SUGCT: variants seen among roughly 807,000 people sequenced by gnomAD.
SUGCT encodes the protein succinyl-CoA:glutarate-CoA transferase.
SUGCT carries 41 observed loss-of-function variants against 55.0 expected under a neutral mutation model. That is an observed-to-expected ratio of 0.74 (90% CI 0.58 to 0.97). SUGCT has a LOEUF of 0.97. SUGCT is among the 50% of genes least tolerant of loss of function. The pLI is 0.00. For missense variants in SUGCT, 568 were observed against 547.8 expected (o/e 1.04, Z -0.37); for synonymous variants, 187 against 200.4 (o/e 0.93, Z 0.56).
At chr7:40,447,360 G>T (rs1163237729) in intron 9 of SUGCT, among the ~76,000 whole-genome samples, 2 of 152,308 alleles carry the variant, frequency 1.3e-5, no homozygotes, top group Middle Eastern at 3.4e-3. Flanking sequence ...TGCAGAAAGG[G>T]TATGTGTAAA....
intron 12 of SUGCT, among the ~76,000 whole-genome samples, chr7:40,547,731 T>G (rs1407786263): frequency 6.6e-6 from 1 of 152,206 alleles, no homozygotes; most frequent in Non-Finnish European, 1.5e-5. Flanking sequence ...AAATTTTGTG[T>G]ATGTGTAGTT....
intron 13 of SUGCT, among the ~76,000 whole-genome samples, chr7:40,756,580 A>C (rs1485436087): frequency 1.3e-5 from 2 of 152,186 alleles, no homozygotes; most frequent in Non-Finnish European, 2.9e-5. Flanking sequence ...ATGTCCTCAA[A>C]GTGCAGTTAA....
intron 13 of SUGCT, among the ~76,000 whole-genome samples, chr7:40,758,806 C>T (rs1174684631): frequency 6.6e-6 from 1 of 151,976 alleles, no homozygotes; most frequent in Admixed American, 6.6e-5. Context: ...CCTAATTTGC[C>T]CTTTATCTGA....
At chr7:40,704,908 A>G (rs976128189) in intron 12 of SUGCT, among the ~76,000 whole-genome samples, 1 of 152,174 alleles carries the variant, frequency 6.6e-6, no homozygotes, top group Non-Finnish European at 1.5e-5. Flanking sequence ...TAGTGGAGTC[A>G]TGGTTTTTGG....
At chr7:40,586,824 A>G (rs771917190) in intron 12 of SUGCT, among the ~76,000 whole-genome samples, 1 of 152,236 alleles carries the variant, frequency 6.6e-6, no homozygotes, top group Non-Finnish European at 1.5e-5. Flanking sequence ...TTTAACCACA[A>G]TACTGTGCTG....
At chr7:41,024,202 A>C in the SUGCT span, among the ~76,000 whole-genome samples, 3 of 152,200 alleles carry the variant, frequency 2.0e-5, no homozygotes, top group Admixed American at 6.5e-5. Flanking sequence ...TACGTTCCAA[A>C]GGATTAAAGG....
At chr7:40,787,366 A>G (rs1388793401) in intron 13 of SUGCT, among the ~76,000 whole-genome samples, 1 of 152,160 alleles carries the variant, frequency 6.6e-6, no homozygotes, top group Non-Finnish European at 1.5e-5. Context: ...GGTGCATGGC[A>G]TAATGACCTA....
the SUGCT span, among the ~76,000 whole-genome samples, chr7:41,008,497 C>G: frequency 5.9e-5 from 9 of 152,194 alleles, no homozygotes; most frequent in African/African-American, 2.2e-4. Flanking sequence ...CTCTCTTTCC[C>G]CGGGAATTGC....
chr7:40,856,352 A>G (rs1326626254), intron 13 of SUGCT, among the ~76,000 whole-genome samples: 4 of 152,240 alleles, frequency 2.6e-5, no homozygotes, highest in African/African-American at 9.6e-5. Context: ...AAGTTAAATT[A>G]TAACTTGAAA....
intron 12 of SUGCT, among the ~76,000 whole-genome samples, chr7:40,569,467 G>A (rs987424591): frequency 2.6e-5 from 4 of 152,134 alleles, no homozygotes; most frequent in African/African-American, 9.7e-5. Context: ...ATCTGATTCT[G>A]CTTCTCACAT....
chr7:40,357,761 T>C (rs1470124633), intron 9 of SUGCT, among the ~76,000 whole-genome samples: 1 of 151,904 alleles, frequency 6.6e-6, no homozygotes, highest in Admixed American at 6.6e-5. Context: ...CTTTTTAAAA[T>C]CTTTTTTCTT....
chr7:40,653,554 C>A (rs537621388), intron 12 of SUGCT, among the ~76,000 whole-genome samples: 2 of 152,094 alleles, frequency 1.3e-5, no homozygotes, highest in African/African-American at 2.4e-5. Flanking sequence ...GACATTCCGA[C>A]GTGTATTTAA....
chr7:40,598,314 G>A (rs1170724623), intron 12 of SUGCT, among the ~76,000 whole-genome samples: 1 of 152,186 alleles, frequency 6.6e-6, no homozygotes, highest in African/African-American at 2.4e-5. Context: ...TTAGAGTGAT[G>A]ATTCAGCCAA....
At chr7:40,379,108 A>G (rs1006503240) in intron 9 of SUGCT, among the ~76,000 whole-genome samples, 2 of 152,200 alleles carry the variant, frequency 1.3e-5, no homozygotes, top group Non-Finnish European at 2.9e-5. Flanking sequence ...AGATTGGAGT[A>G]ATGAAGCCTC....
At chr7:40,938,536 G>A in the SUGCT span, among the ~76,000 whole-genome samples, 1 of 151,862 alleles carries the variant, frequency 6.6e-6, no homozygotes, top group South Asian at 2.1e-4. Context: ...TGAAGTACAA[G>A]TGGTTTTTGG....
At chr7:40,352,964 G>T (rs930386514) in intron 9 of SUGCT, among the ~76,000 whole-genome samples, 1 of 151,934 alleles carries the variant, frequency 6.6e-6, no homozygotes, top group Non-Finnish European at 1.5e-5. Context: ...TTAATAATAG[G>T]CATTCTGACT....
At chr7:40,594,398 T>A (rs1373640293) in intron 12 of SUGCT, among the ~76,000 whole-genome samples, 2 of 151,998 alleles carry the variant, frequency 1.3e-5, no homozygotes, top group African/African-American at 4.8e-5. Flanking sequence ...AAGTCATCTC[T>A]ACCATAATTA....
intron 11 of SUGCT, among the ~76,000 whole-genome samples, chr7:40,489,685 AC>A (rs1253675455): frequency 1.3e-5 from 2 of 152,166 alleles, no homozygotes; most frequent in Non-Finnish European, 2.9e-5. Flanking sequence ...GTCTCAAAAA[AC>A]AAAACAAAAA....
At chr7:40,454,613 AG>A (rs1554342652) in intron 10 of SUGCT, among the ~76,000 whole-genome samples, 1 of 26,946 alleles carries the variant, frequency 3.7e-5, no homozygotes, top group Non-Finnish European at 5.9e-5. Flanking sequence ...AAACACCCAG[AG>A]GGGGAAAAAA....
Sources: gnomAD v4.1 joint callset for allele counts (sites outside exome capture counted in the v4.1 genomes callset) on GRCh38, gnomAD v4.1.1 for gene constraint, MANE v1.5 for transcripts, NCBI Gene and HGNC (gene_info 2026-07-23, HGNC 2026-07-21) for gene names.